RFC3: variants seen among roughly 807,000 people sequenced by gnomAD.
RFC3 encodes A1 38 kDa subunit.
Under a neutral mutation model 45.1 loss-of-function variants are expected in RFC3, and 41 were observed. That is an observed-to-expected ratio of 0.91 (90% CI 0.71 to 1.18). RFC3 has a LOEUF of 1.18. Among genes scored for constraint, RFC3 ranks in the 50% most tolerant of loss-of-function variants. RFC3 has a pLI of 0.00. For synonymous variants in RFC3, 149 were observed against 144.0 expected, an observed-to-expected ratio of 1.03 and a Z score of -0.25; for missense variants, 423 against 428.1, an observed-to-expected ratio of 0.99 and a Z score of 0.10.
At chr13:33,820,029 C>T (rs905279536) in intron 1 of RFC3, among the ~76,000 whole-genome samples, 1 of 152,082 alleles carries the variant, frequency 6.6e-6, no homozygotes, top group Non-Finnish European at 1.5e-5. Context: ...TTGCAATAAG[C>T]GCTTCTCTTA....
At chr13:33,905,630 A>G (rs989296551) in intron 8 of RFC3, among the ~76,000 whole-genome samples, 1 of 152,062 alleles carries the variant, frequency 6.6e-6, no homozygotes, top group African/African-American at 2.4e-5. Flanking sequence ...TATAATAGTC[A>G]ATGTTCATGG....
chr13:33,967,537 G>A (rs1033380674), downstream of RFC3, among the ~76,000 whole-genome samples: 1 of 144,808 alleles, frequency 6.9e-6, no homozygotes, highest in Non-Finnish European at 1.5e-5. Context: ...ATCCAGGCTG[G>A]AGTGCAGTGG....
In RFC3 at chr13:33,893,138, G is replaced by A. The variant is rs78223681; in HGVS notation, c.879+57921G>A. On this transcript the variant is annotated intron_variant, in intron 8 of 8. Coordinates refer to the RFC3 transcript ENST00000434425. Reference sequence around the variant, plus strand: ...AAACTCTGATCTGTAACTTGAAAAAGGGAGATGCCAAATCAGAGTGGTTGT... The same window carrying A: ...AAACTCTGATCTGTAACTTGAAAAAAGGAGATGCCAAATCAGAGTGGTTGT... Among the ~76,000 whole-genome samples the A allele has an allele frequency of 4.5e-3, 686 of 152,216 alleles. 8 individuals carry two copies. Among genetic ancestry groups the A allele is most frequent in the African/African-American group, 0.016 (658 of 41,556 alleles).
At chr13:33,863,350 A>G (rs2082353654) in intron 8 of RFC3, among the ~76,000 whole-genome samples, 1 of 152,144 alleles carries the variant, frequency 6.6e-6, no homozygotes, top group African/African-American at 2.4e-5. Flanking sequence ...CTGCTAGGTA[A>G]CAGACAGTTC....
intron 8 of RFC3, among the ~76,000 whole-genome samples, chr13:33,965,373 G>GTTAGATACACAAATA (rs1334861388): frequency 1.4e-4 from 22 of 152,028 alleles, no homozygotes; most frequent in African/African-American, 5.3e-4. Flanking sequence ...AAATACCATT[G>GTTAGATACACAAATA]CCAAGAGTAT....
chr13:33,865,885 CT>C (rs1164103965), intron 8 of RFC3, among the ~76,000 whole-genome samples: 2 of 152,102 alleles, frequency 1.3e-5, no homozygotes, highest in African/African-American at 4.8e-5. Context: ...GAAACCCTGT[CT>C]CTACTAAAAA....
At chr13:33,862,929 C>T (rs1173876758) in intron 8 of RFC3, among the ~76,000 whole-genome samples, 1 of 152,196 alleles carries the variant, frequency 6.6e-6, no homozygotes, top group Non-Finnish European at 1.5e-5. Flanking sequence ...ATGGAATTTA[C>T]AAATTGCCTC....
rs1593649229 is a variant in RFC3, at chr13:33,865,318, G to A, written c.879+30101G>A. 3.3e-5 allele frequency among the ~76,000 whole-genome samples: 5 copies of A among 152,344 alleles called. No homozygotes were observed. In the South Asian group the frequency reaches 1.0e-3, roughly 32 times the overall value. On this transcript the variant is annotated intron_variant, in intron 8 of 8. Transcript: ENST00000434425. ...TGTTGCATGGTGCCTTTGCCTGAGG[G>A]AGTTGCCTTGTAAGAAGCTGTTGTT... is the stretch of plus-strand genomic sequence containing the variant.
chr13:33,966,360 C>A, exon 9 of RFC3: 1 of 584,936 alleles, frequency 1.7e-6, no homozygotes, highest in South Asian at 2.1e-5. Flanking sequence ...TCAAAACACT[C>A]ATCTCCTCTG....
chr13:33,930,641 A>G (rs2082845841), intron 8 of RFC3, among the ~76,000 whole-genome samples: 1 of 152,154 alleles, frequency 6.6e-6, no homozygotes, highest in South Asian at 2.1e-4. Flanking sequence ...CCTTCAATCC[A>G]ATCAAGTTGA....
chr13:33,892,527 C>T lies in RFC3; in HGVS notation c.879+57310C>T, dbSNP rs564489221. 2.0e-5 allele frequency among the ~76,000 whole-genome samples: 3 copies of T among 152,246 alleles called. No homozygotes were observed. The South Asian group carries it at 6.2e-4, about 32-fold the overall frequency. On this transcript the variant is annotated intron_variant, in intron 8 of 8. Transcript: ENST00000434425. ...TATCTCTATTTTCTTTTTGATATCCCCATCAGTCTTTCCACTTAAGATTTG... is the reference window on the plus strand; with the variant it reads ...TATCTCTATTTTCTTTTTGATATCCTCATCAGTCTTTCCACTTAAGATTTG...
intron 4 of RFC3, among the ~76,000 whole-genome samples, chr13:33,828,525 C>T (rs1193482114): frequency 1.3e-5 from 2 of 152,192 alleles, no homozygotes; most frequent in Non-Finnish European, 2.9e-5. Context: ...TCGAATCTCC[C>T]CCCTCGGTAA....
rs780396502 is a variant in RFC3, at chr13:33,821,256, A to G, written c.212A>G (p.His71Arg). ...GGAGTGGAAAAATTGAGAATTGAAC[A>G]TCAGACCATCACAGTAAGCATTTCA... ...GVGVEKLRIE[H>R]QTITTPSKKK... is the part of the protein sequence containing the mutation. Residue 71 changes from histidine to arginine, a missense_variant, in exon 2 of 9, where the codon CAT (histidine) becomes CGT (arginine). Physicochemically the swap from His to Arg is conservative, Grantham distance 29. Transcript: ENST00000380071. 2 of 1,613,468 alleles carry G rather than the reference A, an allele frequency of 1.2e-6. No homozygotes were observed. Among genetic ancestry groups the G allele is most frequent in the South Asian group, 1.1e-5 (1 of 91,066 alleles).
chr13:33,921,987 GTTC>G (rs764458227), intron 8 of RFC3, among the ~76,000 whole-genome samples: 1 of 152,090 alleles, frequency 6.6e-6, no homozygotes. Context: ...ACTTCAGCAT[GTTC>G]TTCTTCCCAT....
At chr13:33,840,100 G>A (rs542191866), downstream of RFC3, among the ~76,000 whole-genome samples, 1 of 152,256 alleles carries the variant, frequency 6.6e-6, no homozygotes, top group East Asian at 1.9e-4. Context: ...TTGTGTGTGT[G>A]TTTATCTTGC....
chr13:33,823,685 A>G (rs1368307265), intron 2 of RFC3, among the ~76,000 whole-genome samples: 2 of 152,126 alleles, frequency 1.3e-5, no homozygotes, highest in East Asian at 1.9e-4. Flanking sequence ...TTCTGGAGAT[A>G]AGGAAAAGAA....
At chr13:33,906,391 A>G (rs143708817) in intron 8 of RFC3, among the ~76,000 whole-genome samples, 50 of 152,240 alleles carry the variant, frequency 3.3e-4, no homozygotes, top group African/African-American at 1.2e-3. Context: ...GTTCAGTAAC[A>G]TTGGATCCAG....
At chr13:33,925,154 ATACACATATAGTG>A in intron 8 of RFC3, among the ~76,000 whole-genome samples, 1 of 146,594 alleles carries the variant, frequency 6.8e-6, no homozygotes, top group East Asian at 2.0e-4. Flanking sequence ...TACTATATAC[ATACACATATAGTG>A]TACTATATAC....
At chr13:33,916,281 C>T (rs775105420) in intron 8 of RFC3, among the ~76,000 whole-genome samples, 1 of 152,128 alleles carries the variant, frequency 6.6e-6, no homozygotes, top group East Asian at 1.9e-4. Context: ...ATTTCCAAAA[C>T]TGTTTTCCTT....
Sources: gnomAD v4.1 joint callset for allele counts (sites outside exome capture counted in the v4.1 genomes callset) on GRCh38, gnomAD v4.1.1 for gene constraint, MANE v1.5 for transcripts, NCBI Gene and HGNC (gene_info 2026-07-23, HGNC 2026-07-21) for gene names.